The following RASA1 variants were observed in gnomAD, a reference collection of about 807,000 sequenced individuals.
RASA1 encodes ras GTPase-activating protein 1.
In RASA1, 25 loss-of-function variants were observed where a neutral mutation model predicts 132.2. The ratio of observed to expected loss-of-function variants is 0.19; its 90% CI spans 0.14 to 0.26. The LOEUF is 0.26. Among genes scored for constraint, RASA1 ranks in the 10% least tolerant of loss-of-function variants. The pLI, the probability that RASA1 is intolerant of heterozygous loss-of-function variation, is 1.00. For missense variants in RASA1, 964 were observed against 1,299.2 expected, an observed-to-expected ratio of 0.74 and a Z score of 3.97; for synonymous variants, 477 against 449.9, an observed-to-expected ratio of 1.06 and a Z score of -0.76.
intron 23 of RASA1, 50 bp from the exon 24 acceptor site, chr5:87,389,343 A>C (rs1481555761): frequency 3.7e-6 from 6 of 1,610,228 alleles, no homozygotes; most frequent in East Asian, 4.5e-5. Context: ...AAAAAAACAA[A>C]AAAAAAGAAG....
intron 23 of RASA1, among the ~76,000 whole-genome samples, chr5:87,388,935 T>C (rs1398210049): frequency 6.6e-6 from 1 of 152,130 alleles, no homozygotes; most frequent in Non-Finnish European, 1.5e-5. Flanking sequence ...CCCCACCCCT[T>C]ATTTTTAGAA....
chr5:87,279,063 G>A (rs1165693740), intron 1 of RASA1, among the ~76,000 whole-genome samples: 1 of 151,838 alleles, frequency 6.6e-6, no homozygotes, highest in Non-Finnish European at 1.5e-5. Flanking sequence ...GGGCAACATG[G>A]CGAAACCTTG....
intron 1 of RASA1, among the ~76,000 whole-genome samples, chr5:87,305,478 T>C (rs1755566403): frequency 6.6e-6 from 1 of 152,294 alleles, no homozygotes. Flanking sequence ...TTACACCATA[T>C]GCAAAAATTA....
At chr5:87,289,442 T>C (rs183109802) in intron 1 of RASA1, among the ~76,000 whole-genome samples, 28 of 152,312 alleles carry the variant, frequency 1.8e-4, no homozygotes, top group Non-Finnish European at 2.8e-4. Context: ...TTTCTTGTAA[T>C]GATACTGTAA....
chr5:87,348,557 A>G (rs1759026000), intron 7 of RASA1, among the ~76,000 whole-genome samples: 1 of 152,066 alleles, frequency 6.6e-6, no homozygotes, highest in East Asian at 1.9e-4. Context: ...GATTTTTGAT[A>G]ATGTATACAC....
At chr5:87,362,347 T>C (rs945374979) in intron 9 of RASA1, among the ~76,000 whole-genome samples, 4 of 152,216 alleles carry the variant, frequency 2.6e-5, no homozygotes, top group Admixed American at 6.5e-5. Flanking sequence ...GAAACCTTTC[T>C]GTGAACTTTG....
At chr5:87,363,592 A>G (rs1760276263) in intron 11 of RASA1, 88 bp downstream of exon 11, 2 of 1,441,350 alleles carry the variant, frequency 1.4e-6, no homozygotes, top group African/African-American at 1.4e-5. Flanking sequence ...AGAGCCCTAA[A>G]ATCATCTTCT....
intron 6 of RASA1, among the ~76,000 whole-genome samples, chr5:87,343,860 A>G (rs1386683222): frequency 6.6e-6 from 1 of 152,170 alleles, no homozygotes. Context: ...TATAGTACAT[A>G]TACACAATGG....
chr5:87,360,514 C>T (rs1760007756), intron 9 of RASA1, among the ~76,000 whole-genome samples: 1 of 152,142 alleles, frequency 6.6e-6, no homozygotes, highest in South Asian at 2.1e-4. Flanking sequence ...TTTTAAAACA[C>T]CAGTTAACAT....
At chr5:87,373,368 A>G (rs992874532) in intron 13 of RASA1, among the ~76,000 whole-genome samples, 1 of 152,166 alleles carries the variant, frequency 6.6e-6, no homozygotes, top group East Asian at 1.9e-4. Flanking sequence ...CATAGATTTT[A>G]TGCAGATACT....
chr5:87,367,434 A>G (rs917683901), intron 11 of RASA1, among the ~76,000 whole-genome samples: 2 of 152,210 alleles, frequency 1.3e-5, no homozygotes, highest in African/African-American at 4.8e-5. Context: ...GTTAACAGCC[A>G]CCTTGTGCAG....
At chr5:87,289,750 AC>A (rs1754832809) in intron 1 of RASA1, among the ~76,000 whole-genome samples, 1 of 152,128 alleles carries the variant, frequency 6.6e-6, no homozygotes, top group African/African-American at 2.4e-5. Flanking sequence ...AACTAAGACT[AC>A]AGATGCATGC....
chr5:87,298,596 T>G (rs929498711), intron 1 of RASA1, among the ~76,000 whole-genome samples: 42 of 152,072 alleles, frequency 2.8e-4, no homozygotes, highest in African/African-American at 9.7e-4. Context: ...AAGGGAGTAG[T>G]TTTTTCAGAA....
chr5:87,296,598 GT>G (rs140703544), intron 1 of RASA1, among the ~76,000 whole-genome samples: 1 of 144,824 alleles, frequency 6.9e-6, no homozygotes, highest in African/African-American at 2.6e-5. Context: ...TTAGGTTCAT[GT>G]TTTTTTTCTC....
rs1757597491 is a variant in RASA1 at position 87,331,517 on chromosome 5, A to G, written c.692+17A>G. The G allele has an allele frequency of 9.3e-6, 15 of 1,611,228 alleles. No individual in the cohort carries two copies. Among genetic ancestry groups the G allele is most frequent in the African/African-American group, 1.3e-5 (1 of 74,856 alleles). Reference sequence around the variant, plus strand: ...CCATTTTAGGTAAGTCTTTATTCCTATTATGAAGCCAAATGATGTAGCTAT... The same window carrying G: ...CCATTTTAGGTAAGTCTTTATTCCTGTTATGAAGCCAAATGATGTAGCTAT... On this transcript the variant is annotated intron_variant, in intron 2 of 24. Transcript: ENST00000274376.
rs780133715 is a variant in RASA1, at chr5:87,389,395, T to G, written c.2928T>G (p.Asn976Lys). The G allele has an allele frequency of 6.2e-7, 1 of 1,614,094 alleles. No individual in the cohort carries two copies. Among genetic ancestry groups the G allele is most frequent in the Non-Finnish European group, 8.5e-7 (1 of 1,179,926 alleles). Residue 976 changes from asparagine to lysine, a missense_variant and splice_region_variant, in exon 24 of 25, where the codon AAT becomes AAG. Around this residue, in one of 6 missense-constraint regions of RASA1, gnomAD observed 107 missense variants for 163.8 expected, o/e 0.65. Coordinates refer to ENST00000274376, the MANE Select transcript of RASA1 (RefSeq NM_002890.3). ...RMIMFLDELG[N>K]VPELPDTTEH... is the part of the protein sequence containing the mutation. Reference sequence around the variant, plus strand: ...GCAATTTTACGATTCCCTTAAAGAATGTACCTGAACTTCCGGACACTACAG... The same window carrying G: ...GCAATTTTACGATTCCCTTAAAGAAGGTACCTGAACTTCCGGACACTACAG...
At chr5:87,352,234 G>A (rs913643755) in intron 8 of RASA1, among the ~76,000 whole-genome samples, 2 of 151,072 alleles carry the variant, frequency 1.3e-5, no homozygotes, top group African/African-American at 4.8e-5. Context: ...CTTTTGTTTT[G>A]GTTTTTAACA....
chr5:87,345,505 C>T lies in RASA1; in HGVS notation c.1050-1167C>T, dbSNP rs548901762. ...TATACTTGAATGCAGTATAGAACCT[C>T]ACTACTTGTAGTCTGAACTGTTTTA... On this transcript the variant is annotated intron_variant, in intron 6 of 24. Coordinates refer to ENST00000274376, the MANE Select transcript of RASA1 (RefSeq NM_002890.3). Among the ~76,000 whole-genome samples, 164 of 152,206 alleles carry T rather than the reference C, an allele frequency of 1.1e-3. 1 individual carries two copies. In the South Asian group the frequency reaches 0.018, roughly 17 times the overall value.
At chr5:87,292,372 T>A (rs1487588988) in intron 1 of RASA1, among the ~76,000 whole-genome samples, 1 of 151,052 alleles carries the variant, frequency 6.6e-6, no homozygotes, top group Non-Finnish European at 1.5e-5. Flanking sequence ...ACATTCTTTT[T>A]TTTTTTTTTT....
Sources: gnomAD v4.1 joint callset for allele counts (sites outside exome capture counted in the v4.1 genomes callset) on GRCh38, gnomAD v4.1.1 for gene constraint, gnomAD v4.1.1 regional missense constraint, MANE v1.5 for transcripts, NCBI Gene and HGNC (gene_info 2026-07-23, HGNC 2026-07-21) for gene names.